The following GPM6B variants were observed in gnomAD, a reference collection of about 807,000 sequenced individuals.
GPM6B encodes the protein glycoprotein M6B.
A neutral mutation model predicts 27.2 loss-of-function variants in GPM6B; 4 were observed. That is an observed-to-expected ratio of 0.15 (90% CI 0.07 to 0.34). The LOEUF (loss-of-function observed/expected upper bound fraction) is 0.34. GPM6B is among the 10% of genes least tolerant of loss of function. The pLI is 1.00. For missense variants in GPM6B, 183 were observed against 261.9 expected, an observed-to-expected ratio of 0.70 and a Z score of 2.08; for synonymous variants, 124 against 103.1, an observed-to-expected ratio of 1.20 and a Z score of -1.23.
At chrX:13,776,332 C>T (rs776470144) in intron 6 of GPM6B, 29 bp from the exon 7 acceptor site, 9 of 1,122,127 alleles carry the variant, frequency 8.0e-6, no homozygotes, top group Non-Finnish European at 9.8e-6. Flanking sequence ...TCAACATAAG[C>T]ATTTGATGTT....
intron 4 of GPM6B, among the ~76,000 whole-genome samples, chrX:13,782,771 AAAG>A (rs2048540950): frequency 1.6e-5 from 1 of 63,512 alleles, no homozygotes; most frequent in East Asian, 6.5e-4. Flanking sequence ...AAAAAAAAAA[AAAG>A]AAAAAAAAAA....
intron 1 of GPM6B, among the ~76,000 whole-genome samples, chrX:13,846,294 G>A (rs1301932157): frequency 2.7e-5 from 3 of 110,492 alleles, no homozygotes; most frequent in East Asian, 2.8e-4. Context: ...CTGTGTTCCC[G>A]GACATCATGC....
intron 1 of GPM6B, among the ~76,000 whole-genome samples, chrX:13,867,441 T>C (rs764972103): frequency 8.9e-6 from 1 of 112,186 alleles, no homozygotes; most frequent in Non-Finnish European, 1.9e-5. Flanking sequence ...TTCCAGCTAT[T>C]CTTGTTCACA....
At position 13,775,262 on chromosome X, in the gene GPM6B, T is replaced by A. The variant is rs148735017; in HGVS notation, c.837+976A>T. Reference sequence around the variant, plus strand: ...TTTGTGACTGCCTACTTGCTAAGATTCATTTGTAATCCTTAATACTTGAGG... The same window carrying A: ...TTTGTGACTGCCTACTTGCTAAGATACATTTGTAATCCTTAATACTTGAGG... On this transcript the variant is annotated intron_variant, in intron 7 of 7. Transcript: ENST00000316715. 7.3e-3 allele frequency among the ~76,000 whole-genome samples: 820 copies of A among 112,986 alleles called. 2 individuals are homozygous for A. Among genetic ancestry groups the A allele is most frequent in the Non-Finnish European group, 0.012 (638 of 53,355 alleles).
At chrX:13,862,911 G>A (rs993604820) in intron 1 of GPM6B, among the ~76,000 whole-genome samples, 3 of 107,913 alleles carry the variant, frequency 2.8e-5, no homozygotes, top group African/African-American at 1.0e-4. Context: ...TGCCCAGGCT[G>A]GTCTCAAATT....
chrX:13,936,446 T>C (rs1315405631), intron 1 of GPM6B, among the ~76,000 whole-genome samples: 2 of 112,075 alleles, frequency 1.8e-5, no homozygotes, highest in Non-Finnish European at 3.8e-5. Context: ...CCCGACTTAA[T>C]GGGCCAATGG....
chrX:13,905,506 A>G (rs1364994792), intron 1 of GPM6B, among the ~76,000 whole-genome samples: 2 of 111,516 alleles, frequency 1.8e-5, no homozygotes, highest in Admixed American at 1.9e-4. Flanking sequence ...AAGAAACGCA[A>G]TGATGTAAAT....
intron 1 of GPM6B, among the ~76,000 whole-genome samples, chrX:13,886,199 G>A (rs1002232526): frequency 1.8e-5 from 2 of 111,776 alleles, no homozygotes; most frequent in Admixed American, 9.5e-5. Flanking sequence ...GGATGCAAAT[G>A]TATTCAAATC....
At chrX:13,817,291 C>G (rs1275231844), upstream of GPM6B, 3 of 778,751 alleles carry the variant, frequency 3.9e-6, no homozygotes, top group African/African-American at 6.9e-5. Flanking sequence ...TTCTTAAGAT[C>G]TCAATCTCGA....
chrX:13,912,627 A>G (rs1223284686), intron 1 of GPM6B, among the ~76,000 whole-genome samples: 1 of 112,298 alleles, frequency 8.9e-6, no homozygotes, highest in Non-Finnish European at 1.9e-5. Context: ...TAATCTAAAT[A>G]GAGAGCCAAT....
intron 1 of GPM6B, among the ~76,000 whole-genome samples, chrX:13,876,200 A>G (rs1386783876): frequency 8.9e-6 from 1 of 112,036 alleles, no homozygotes; most frequent in Non-Finnish European, 1.9e-5. Context: ...TTCTTTCATC[A>G]AAGATCAAGG....
intron 1 of GPM6B, among the ~76,000 whole-genome samples, chrX:13,831,799 A>T (rs758803606): frequency 2.7e-5 from 3 of 112,341 alleles, no homozygotes; most frequent in African/African-American, 9.7e-5. Flanking sequence ...GATTGCTAAG[A>T]GCAAAAAATG....
chrX:13,926,220 G>A (rs5978668), intron 1 of GPM6B, among the ~76,000 whole-genome samples: 22,505 of 105,393 alleles, frequency 0.21, 1,998 homozygotes, highest in African/African-American at 0.31. Flanking sequence ...TGGCTAACGC[G>A]GTGAAACCCC....
At chrX:13,854,448 C>T (rs181651100) in intron 1 of GPM6B, among the ~76,000 whole-genome samples, 115 of 111,672 alleles carry the variant, frequency 1.0e-3, no homozygotes, top group African/African-American at 3.4e-3. Context: ...ATACAGACTC[C>T]TTAACTGAAG....
intron 1 of GPM6B, among the ~76,000 whole-genome samples, chrX:13,839,611 C>T (rs1244721952): frequency 1.8e-5 from 2 of 111,280 alleles, no homozygotes; most frequent in African/African-American, 6.5e-5. Context: ...ATCTCGCTTT[C>T]TCATGTACCG....
chrX:13,861,263 C>A (rs1054188965), intron 1 of GPM6B, among the ~76,000 whole-genome samples: 7 of 110,751 alleles, frequency 6.3e-5, no homozygotes, highest in African/African-American at 2.3e-4. Context: ...AACTGTGCTG[C>A]TATAAACATG....
At chrX:13,790,940 C>G (rs1038698529) in intron 2 of GPM6B, among the ~76,000 whole-genome samples, 2 of 111,810 alleles carry the variant, frequency 1.8e-5, no homozygotes, top group Admixed American at 1.9e-4. Context: ...GGGATTCAGG[C>G]TGTCCTTAGT....
intron 1 of GPM6B, among the ~76,000 whole-genome samples, chrX:13,844,535 A>G (rs960552601): frequency 8.9e-6 from 1 of 112,347 alleles, no homozygotes; most frequent in African/African-American, 3.2e-5. Flanking sequence ...CATTTAGTAC[A>G]TTCAGAATTA....
intron 1 of GPM6B, among the ~76,000 whole-genome samples, chrX:13,843,990 A>C (rs1299533092): frequency 2.7e-5 from 3 of 112,057 alleles, no homozygotes; most frequent in African/African-American, 9.7e-5. Flanking sequence ...AAGGTCATGA[A>C]GATTTACTCC....
Sources: allele counts gnomAD v4.1 joint callset (sites outside exome capture counted in the v4.1 genomes callset), GRCh38; gene constraint gnomAD v4.1.1; transcripts MANE v1.5; gene names NCBI Gene and HGNC (gene_info 2026-07-23, HGNC 2026-07-21).